Variants in PSD3 observed in about 807,000 individuals in gnomAD.
The protein encoded by PSD3 is PH and SEC7 domain-containing protein 3.
A neutral mutation model predicts 105.5 loss-of-function variants in PSD3; 49 were observed. The ratio of observed to expected loss-of-function variants is 0.46; its 90% CI spans 0.37 to 0.59. The LOEUF is 0.59. Ranked by LOEUF, PSD3 falls within the 20% of genes least tolerant of loss-of-function variation. The pLI, the probability that PSD3 is intolerant of heterozygous loss-of-function variation, is 0.00. For missense variants in PSD3, 1,561 were observed against 1,263.8 expected (o/e 1.24, Z -3.57); for synonymous variants, 557 against 457.8 (o/e 1.22, Z -2.77).
chr8:18,784,925 G>T (rs1346671226), intron 8 of PSD3, among the ~76,000 whole-genome samples: 1 of 152,134 alleles, frequency 6.6e-6, no homozygotes, highest in Non-Finnish European at 1.5e-5. Flanking sequence ...CCCTATTCTT[G>T]CTCCCTGGAG....
rs1806115091 is a variant in PSD3 at position 18,621,628 on chromosome 8, T to G, written c.2410+10985A>C. Among the ~76,000 whole-genome samples the G allele has an allele frequency of 2.0e-5, 3 of 152,300 alleles. No individual in the cohort carries two copies. The South Asian group carries it at 6.2e-4, about 32-fold the overall frequency. On this transcript the variant is annotated intron_variant, in intron 11 of 15. Coordinates refer to ENST00000327040, the MANE Select transcript of PSD3 (RefSeq NM_015310.4). ...ACTAGAGAGTCACGTGACAAGGTGCTCCTGCGCGTTCACATGGCTGCCCTC... is the reference window on the plus strand; with the variant it reads ...ACTAGAGAGTCACGTGACAAGGTGCGCCTGCGCGTTCACATGGCTGCCCTC...
chr8:18,684,059 G>T (rs941897862), intron 9 of PSD3: 10 of 620,068 alleles, frequency 1.6e-5, no homozygotes, highest in Non-Finnish European at 2.3e-5. Context: ...CGTGATCCGC[G>T]TTAGCTTAAG....
At chr8:18,820,056 G>A (rs1812563037) in intron 4 of PSD3, among the ~76,000 whole-genome samples, 1 of 152,090 alleles carries the variant, frequency 6.6e-6, no homozygotes, top group Admixed American at 6.5e-5. Context: ...TATTTATGCA[G>A]GCAAGCATCG....
At chr8:18,887,199 G>A (rs924884797) in intron 2 of PSD3, among the ~76,000 whole-genome samples, 1 of 152,118 alleles carries the variant, frequency 6.6e-6, no homozygotes, top group Non-Finnish European at 1.5e-5. Flanking sequence ...TTTAATTCTT[G>A]TATTATTTTA....
intron 11 of PSD3, among the ~76,000 whole-genome samples, chr8:18,623,203 G>A (rs563550675): frequency 2.3e-3 from 337 of 149,110 alleles, no homozygotes; most frequent in Non-Finnish European, 3.8e-3. Flanking sequence ...CTGTCGCTAC[G>A]GATTTTTGTT....
intron 4 of PSD3, among the ~76,000 whole-genome samples, chr8:18,836,723 T>C (rs1273060366): frequency 2.6e-5 from 4 of 152,166 alleles, no homozygotes; most frequent in Non-Finnish European, 4.4e-5. Flanking sequence ...TCTAGATTAC[T>C]GATAATACTG....
intron 10 of PSD3, among the ~76,000 whole-genome samples, chr8:18,636,006 T>C (rs911972306): frequency 6.6e-6 from 1 of 152,144 alleles, no homozygotes; most frequent in African/African-American, 2.4e-5. Flanking sequence ...CATGTATACC[T>C]ATGTAACAAA....
chr8:18,843,888 T>A (rs553563268), intron 4 of PSD3, among the ~76,000 whole-genome samples: 1 of 151,468 alleles, frequency 6.6e-6, no homozygotes, highest in African/African-American at 2.4e-5. Flanking sequence ...GAAGTAGGTC[T>A]TCTATAACCA....
chr8:18,896,064 T>C (rs1311287818), intron 2 of PSD3, among the ~76,000 whole-genome samples: 1 of 152,220 alleles, frequency 6.6e-6, no homozygotes, highest in Non-Finnish European at 1.5e-5. Context: ...GAACATGCGG[T>C]ATTTATCTTT....
At chr8:18,772,702 G>A (rs573897414) in intron 8 of PSD3, among the ~76,000 whole-genome samples, 20 of 152,174 alleles carry the variant, frequency 1.3e-4, no homozygotes, top group South Asian at 1.2e-3. Flanking sequence ...TAGAGATGGG[G>A]TTTTACCATG....
At position 18,835,130 on chromosome 8, in the gene PSD3, A is replaced by G. The variant is rs117606949; in HGVS notation, c.1635-30232T>C. ...ACATTAAAGGCAGAAGTACAATCTGATATATATTGGACTAGGTCTAACAAC... is the reference window on the plus strand; with the variant it reads ...ACATTAAAGGCAGAAGTACAATCTGGTATATATTGGACTAGGTCTAACAAC... On this transcript the variant is annotated intron_variant, in intron 4 of 15. Transcript: ENST00000327040. Among the ~76,000 whole-genome samples the G allele has an allele frequency of 3.2e-4, 48 of 152,330 alleles. No individual in the cohort carries two copies. In the East Asian group the frequency reaches 8.5e-3, roughly 27 times the overall value.
chr8:18,934,101 G>A (rs192032888), intron 2 of PSD3, among the ~76,000 whole-genome samples: 10 of 152,128 alleles, frequency 6.6e-5, no homozygotes, highest in Non-Finnish European at 1.5e-4. Flanking sequence ...ATATGGCTGT[G>A]TATACACTGC....
At chr8:18,806,765 A>G (rs755873949) in intron 4 of PSD3, among the ~76,000 whole-genome samples, 4 of 152,188 alleles carry the variant, frequency 2.6e-5, no homozygotes, top group African/African-American at 4.8e-5. Context: ...TAGTTCTTTA[A>G]CTTGGCTTGC....
intron 1 of PSD3, among the ~76,000 whole-genome samples, chr8:19,042,395 T>C (rs1166651508): frequency 6.6e-6 from 1 of 152,172 alleles, no homozygotes; most frequent in Non-Finnish European, 1.5e-5. Flanking sequence ...GGCACACGTT[T>C]CAAACCAAAG....
intron 9 of PSD3, among the ~76,000 whole-genome samples, chr8:18,716,564 T>C (rs1802613729): frequency 6.6e-6 from 1 of 152,066 alleles, no homozygotes; most frequent in Non-Finnish European, 1.5e-5. Flanking sequence ...TAATGAGAGA[T>C]GAGGCAGGGA....
At chr8:18,969,843 C>A (rs183920585) in intron 1 of PSD3, among the ~76,000 whole-genome samples, 8 of 152,052 alleles carry the variant, frequency 5.3e-5, no homozygotes, top group African/African-American at 1.9e-4. Context: ...GTAGACACAA[C>A]AGATACATGT....
At chr8:18,905,024 C>T (rs1819748943) in intron 2 of PSD3, among the ~76,000 whole-genome samples, 1 of 152,116 alleles carries the variant, frequency 6.6e-6, no homozygotes, top group Non-Finnish European at 1.5e-5. Flanking sequence ...ATAGCAAATA[C>T]ATACCATATT....
At chr8:18,627,690 C>T (rs924329092) in intron 11 of PSD3, among the ~76,000 whole-genome samples, 7 of 151,802 alleles carry the variant, frequency 4.6e-5, no homozygotes, top group Admixed American at 1.3e-4. Context: ...GTTACTTACC[C>T]GCACACCAGG....
In PSD3 at chr8:18,534,027, G is replaced by A. The variant is rs1377391038; in HGVS notation, c.*1716C>T. ...GGCAATAGTCATGGACATTTACAGA[G>A]GGGAAGGAAGTAAACGTTAATAAAT... On this transcript the variant is annotated 3_prime_UTR_variant, in exon 16 of 16. Transcript: ENST00000327040. 3 of 152,136 alleles carry A rather than the reference G, an allele frequency of 2.0e-5. No individual in the cohort carries two copies. Among genetic ancestry groups the A allele is most frequent in the Non-Finnish European group, 4.4e-5 (3 of 68,032 alleles). 9.4% of individuals were successfully genotyped at this position (152,136 alleles called of 1,614,324 possible).
Sources: gnomAD v4.1 joint callset for allele counts (sites outside exome capture counted in the v4.1 genomes callset) on GRCh38, gnomAD v4.1.1 for gene constraint, MANE v1.5 for transcripts, NCBI Gene and HGNC (gene_info 2026-07-23, HGNC 2026-07-21) for gene names.